The following TOM1L2 variants were observed in gnomAD, a reference collection of about 807,000 sequenced individuals.
TOM1L2 encodes the protein TOM1-like protein 2.
In TOM1L2, 31 loss-of-function variants were observed where a neutral mutation model predicts 67.9. The observed-to-expected ratio is 0.46, with a 90% CI of 0.34 to 0.62. TOM1L2 has a LOEUF of 0.62. Ranked by LOEUF, TOM1L2 falls within the 20% of genes least tolerant of loss-of-function variation. The pLI, the probability that TOM1L2 is intolerant of heterozygous loss-of-function variation, is 0.01. For synonymous variants in TOM1L2, 256 were observed against 254.0 expected, an observed-to-expected ratio of 1.01 and a Z score of -0.07; for missense variants, 606 against 663.5, an observed-to-expected ratio of 0.91 and a Z score of 0.95.
At chr17:17,897,052 C>G (rs1032078160) in intron 3 of TOM1L2, among the ~76,000 whole-genome samples, 1 of 152,210 alleles carries the variant, frequency 6.6e-6, no homozygotes, top group African/African-American at 2.4e-5. Flanking sequence ...CAGTGTCCAT[C>G]ATGCCCTGCT....
At position 17,942,908 on chromosome 17, in the gene TOM1L2, G is replaced by A. The variant is rs148181569; in HGVS notation, c.52+29354C>T. ...GGGCTCAGAGACATGAAGACTGTTA[G>A]AAGTAAACAAAAAGCTGTTTATCTT... On this transcript the variant is annotated intron_variant, in intron 1 of 14. Coordinates refer to ENST00000379504, the MANE Select transcript of TOM1L2 (RefSeq NM_001082968.2). Among the ~76,000 whole-genome samples the A allele has an allele frequency of 1.4e-4, 22 of 152,304 alleles. No individual in the cohort carries two copies. The East Asian group carries it at 3.3e-3, about 23-fold the overall frequency.
chr17:17,945,870 A>G (rs1025110766), intron 1 of TOM1L2, among the ~76,000 whole-genome samples: 2 of 152,112 alleles, frequency 1.3e-5, no homozygotes, highest in Admixed American at 6.5e-5. Context: ...TTTATTTTTT[A>G]AAAAAGATGT....
chr17:17,906,971 C>A (rs571457309), intron 2 of TOM1L2, among the ~76,000 whole-genome samples: 6 of 152,216 alleles, frequency 3.9e-5, no homozygotes, highest in African/African-American at 1.4e-4. Flanking sequence ...GGAGGGGCAA[C>A]GTGTTCTAAG....
intron 1 of TOM1L2, among the ~76,000 whole-genome samples, chr17:17,929,086 T>C (rs1422196402): frequency 6.6e-6 from 1 of 152,216 alleles, no homozygotes; most frequent in Admixed American, 6.5e-5. Context: ...GGGCCTTTCC[T>C]TGGCTACTTA....
chr17:17,945,346 T>C (rs531207972), intron 1 of TOM1L2, among the ~76,000 whole-genome samples: 8 of 152,038 alleles, frequency 5.3e-5, no homozygotes, highest in African/African-American at 1.9e-4. Context: ...ACATTAAAAA[T>C]ATATATATGG....
Position 17,924,092 on chromosome 17 carries a change from G to A in TOM1L2, c.53-16561C>T, listed in dbSNP as rs917865863. 3.9e-5 allele frequency among the ~76,000 whole-genome samples: 6 copies of A among 152,260 alleles called. No homozygotes were observed. The Middle Eastern group carries it at 0.01, about 259-fold the overall frequency. ...GCAGAGGTTGCAGTGAGCCGAGATC[G>A]CGCCACTGCACTCCAGAATGGGCAA... On this transcript the variant is annotated intron_variant, in intron 1 of 14. Coordinates refer to ENST00000379504, the MANE Select transcript of TOM1L2 (RefSeq NM_001082968.2).
chr17:17,963,480 G>A (rs1031338250), intron 1 of TOM1L2, among the ~76,000 whole-genome samples: 3 of 152,192 alleles, frequency 2.0e-5, no homozygotes, highest in African/African-American at 7.2e-5. Flanking sequence ...GCCTACTTGA[G>A]CCAGGAAACC....
Position 17,847,322 on chromosome 17 carries a change from G to A in TOM1L2, c.*313C>T, listed in dbSNP as rs553301450. The A allele has an allele frequency of 5.2e-5, 19 of 368,142 alleles. No homozygotes were observed. The highest frequency in any genetic ancestry group is 1.8e-4 in the South Asian group (5 of 28,546). The allele number at this position is 368,142 out of a possible 1,614,324, so 22.8% of individuals were successfully genotyped here. A position where few individuals can be genotyped will look rare whatever the true frequency, so the allele number is the denominator to read the frequency against. ...TGGGCGGGTGGAGGAAAGACAGTCC[G>A]GGTGGTCTGCTCAGGAAGCACTGCC... On this transcript the variant is annotated 3_prime_UTR_variant, in exon 15 of 15. Coordinates refer to ENST00000379504, the MANE Select transcript of TOM1L2 (RefSeq NM_001082968.2).
chr17:17,917,374 G>A lies in TOM1L2; in HGVS notation c.53-9843C>T, dbSNP rs1353126297. On this transcript the variant is annotated intron_variant, in intron 1 of 14. Coordinates refer to ENST00000379504, the MANE Select transcript of TOM1L2 (RefSeq NM_001082968.2). ...AATAAATAAAAATTAAAGGTTGTTT[G>A]GCTATTTGGGGTCCCTTGAGATTTC... 2.0e-5 allele frequency among the ~76,000 whole-genome samples: 3 copies of A among 149,962 alleles called. No individual in the cohort carries two copies. The East Asian group carries it at 5.9e-4, about 29-fold the overall frequency.
At chr17:17,923,763 C>A (rs951643797) in intron 1 of TOM1L2, among the ~76,000 whole-genome samples, 7 of 151,828 alleles carry the variant, frequency 4.6e-5, no homozygotes, top group African/African-American at 1.7e-4. Context: ...ACTTGGGAGG[C>A]AAGAGGATCA....
chr17:17,968,229 C>T (rs1174132360), intron 1 of TOM1L2, among the ~76,000 whole-genome samples: 1 of 152,164 alleles, frequency 6.6e-6, no homozygotes, highest in African/African-American at 2.4e-5. Context: ...ACAGGCCTGG[C>T]CCCCCACAGG....
intron 4 of TOM1L2, among the ~76,000 whole-genome samples, chr17:17,893,345 C>A (rs1301411517): frequency 1.3e-5 from 2 of 152,194 alleles, no homozygotes; most frequent in African/African-American, 4.8e-5. Flanking sequence ...CAAACCCGCA[C>A]GTAGCTCTAA....
At position 17,937,141 on chromosome 17, in the gene TOM1L2, T is replaced by C. The variant is rs116982623; in HGVS notation, c.53-29610A>G. On this transcript the variant is annotated intron_variant, in intron 1 of 14. Transcript: ENST00000379504. Reference sequence around the variant, plus strand: ...CCAAAGGATAAAGGAGAGCAATGCCTGGCAAATTGTCCCTACTCCAGTGGT... The same window carrying C: ...CCAAAGGATAAAGGAGAGCAATGCCCGGCAAATTGTCCCTACTCCAGTGGT... Among the ~76,000 whole-genome samples, 970 of 152,304 alleles carry C rather than the reference T, an allele frequency of 6.4e-3. 9 individuals carry two copies. Among genetic ancestry groups the C allele is most frequent in the East Asian group, 0.057 (293 of 5,170 alleles).
intron 1 of TOM1L2, among the ~76,000 whole-genome samples, chr17:17,914,672 T>C (rs890094432): frequency 2.6e-5 from 4 of 152,294 alleles, no homozygotes; most frequent in South Asian, 2.1e-4. Flanking sequence ...TTGGTTAAGA[T>C]TGCTCCAAAT....
intron 1 of TOM1L2, among the ~76,000 whole-genome samples, chr17:17,920,629 CG>C (rs1555606984): frequency 6.8e-6 from 1 of 148,146 alleles, no homozygotes; most frequent in Non-Finnish European, 1.5e-5. Flanking sequence ...TGAGCCACTG[CG>C]CCCGGCTTTT....
chr17:17,857,864 G>C, intron 12 of TOM1L2: 2 of 1,535,480 alleles, frequency 1.3e-6, no homozygotes, highest in Non-Finnish European at 1.7e-6. Flanking sequence ...GTCTCAGAAA[G>C]AAAAGTCACA....
intron 1 of TOM1L2, among the ~76,000 whole-genome samples, chr17:17,942,040 C>A (rs1480054281): frequency 1.3e-5 from 2 of 152,216 alleles, no homozygotes; most frequent in Non-Finnish European, 2.9e-5. Context: ...TTTGAATGTT[C>A]TGTTCTCTCT....
intron 4 of TOM1L2, among the ~76,000 whole-genome samples, chr17:17,887,439 C>T (rs143683494): frequency 3.3e-5 from 5 of 152,334 alleles, no homozygotes; most frequent in African/African-American, 7.2e-5. Flanking sequence ...AGATGGGAGA[C>T]ATCCAGAGAT....
chr17:17,944,401 G>A lies in TOM1L2; in HGVS notation c.52+27861C>T, dbSNP rs905689794. On this transcript the variant is annotated intron_variant, in intron 1 of 14. Transcript: ENST00000379504. ...TTCAGTGCCTAAAAATGCTGTAACAGTTTCTTTGAAAGGTTCCAGACAAAT... is the reference window on the plus strand; with the variant it reads ...TTCAGTGCCTAAAAATGCTGTAACAATTTCTTTGAAAGGTTCCAGACAAAT... Among the ~76,000 whole-genome samples the A allele has an allele frequency of 2.6e-5, 4 of 152,238 alleles. 1 individual carries two copies. Among genetic ancestry groups the A allele is most frequent in the Non-Finnish European group, 5.9e-5 (4 of 68,050 alleles).
Sources: allele counts gnomAD v4.1 joint callset (sites outside exome capture counted in the v4.1 genomes callset), GRCh38; gene constraint gnomAD v4.1.1; transcripts MANE v1.5; gene names NCBI Gene and HGNC (gene_info 2026-07-23, HGNC 2026-07-21).